Variants in HIBADH observed in about 807,000 individuals in gnomAD.
HIBADH encodes the protein 3-hydroxyisobutyrate dehydrogenase.
A neutral mutation model predicts 36.1 loss-of-function variants in HIBADH; 25 were observed. The observed-to-expected ratio is 0.69, with a 90% CI of 0.50 to 0.97. The LOEUF (loss-of-function observed/expected upper bound fraction) is 0.97, where lower values mean the gene tolerates loss of function less well. HIBADH is among the 50% of genes least tolerant of loss of function. The pLI is 0.00. For missense variants in HIBADH, 421 were observed against 418.0 expected, an observed-to-expected ratio of 1.01 and a Z score of -0.06; for synonymous variants, 160 against 149.5, an observed-to-expected ratio of 1.07 and a Z score of -0.51.
At chr7:27,622,077 G>T (rs1688858694) in intron 4 of HIBADH, among the ~76,000 whole-genome samples, 1 of 152,016 alleles carries the variant, frequency 6.6e-6, no homozygotes, top group South Asian at 2.1e-4. Context: ...AAAACAGTGA[G>T]AATCCATCTC....
chr7:27,556,713 T>C (rs1370570380), intron 4 of HIBADH, among the ~76,000 whole-genome samples: 1 of 152,186 alleles, frequency 6.6e-6, no homozygotes, highest in African/African-American at 2.4e-5. Flanking sequence ...TACCTATACA[T>C]ACAAAGGTCT....
intron 4 of HIBADH, among the ~76,000 whole-genome samples, chr7:27,591,685 G>A (rs937136254): frequency 4.6e-5 from 7 of 152,138 alleles, no homozygotes; most frequent in Non-Finnish European, 8.8e-5. Flanking sequence ...CACAATGTAA[G>A]GCATTTATAA....
rs144204207 is a variant in HIBADH at position 27,577,348 on chromosome 7, A to C, written c.485-34248T>G. Among the ~76,000 whole-genome samples, 4 of 152,074 alleles carry C rather than the reference A, an allele frequency of 2.6e-5. No homozygotes were observed. In the East Asian group the frequency reaches 7.8e-4, roughly 29 times the overall value. ...CTGACTTATTTTTTATTTTTAGTGG[A>C]GATGGGGTTTCTCCATGTTGGCCAT... On this transcript the variant is annotated intron_variant, in intron 4 of 7. Transcript: ENST00000265395.
chr7:27,578,635 A>C (rs1406790713), intron 4 of HIBADH, among the ~76,000 whole-genome samples: 1 of 152,180 alleles, frequency 6.6e-6, no homozygotes, highest in Non-Finnish European at 1.5e-5. Context: ...ACTTCTTAAC[A>C]TAAATTTCAA....
At chr7:27,527,811 C>T (rs930306042) in intron 7 of HIBADH, among the ~76,000 whole-genome samples, 2 of 141,760 alleles carry the variant, frequency 1.4e-5, no homozygotes, top group African/African-American at 2.7e-5. Flanking sequence ...AGTGTAGTGG[C>T]GCAATCTTGG....
chr7:27,560,557 C>T (rs1459952314), intron 4 of HIBADH, among the ~76,000 whole-genome samples: 1 of 152,116 alleles, frequency 6.6e-6, no homozygotes, highest in Non-Finnish European at 1.5e-5. Context: ...ATATTGTACC[C>T]AAAATAAATA....
intron 4 of HIBADH, among the ~76,000 whole-genome samples, chr7:27,590,263 AAAGTT>A (rs1436563772): frequency 6.6e-6 from 1 of 152,172 alleles, no homozygotes; most frequent in Non-Finnish European, 1.5e-5. Flanking sequence ...GAGACTCAGA[AAAGTT>A]AATTTGCCCA....
rs1554300959 is a variant in HIBADH at position 27,645,368 on chromosome 7, A to ATATTTTTTTTTTTT, written c.252+4104_252+4105insAAAAAAAAAAAATA. On this transcript the variant is annotated intron_variant, in intron 2 of 7. Coordinates refer to ENST00000265395, the MANE Select transcript of HIBADH (RefSeq NM_152740.4). ...CTAGTGGGTGTGTCTCATGGTTTTG[A>ATATTTTTTTTTTTT]TTTTTTTTTTTTTTTTTTTTTTTTT... 5.0e-5 allele frequency among the ~76,000 whole-genome samples: 3 copies of ATATTTTTTTTTTTT among 59,654 alleles called. 1 individual carries two copies. Among genetic ancestry groups the ATATTTTTTTTTTTT allele is most frequent in the Non-Finnish European group, 9.4e-5 (3 of 31,798 alleles). The allele number at this position is 59,654 out of a possible 152,430, so 39.1% of individuals were successfully genotyped here. A position where few individuals can be genotyped will look rare whatever the true frequency, so the allele number is the denominator to read the frequency against.
intron 4 of HIBADH, among the ~76,000 whole-genome samples, chr7:27,621,271 T>C (rs143296064): frequency 1.3e-5 from 2 of 152,074 alleles, no homozygotes; most frequent in Admixed American, 6.5e-5. Context: ...CCAATAATAG[T>C]TGGGGGCTTC....
chr7:27,556,875 G>C (rs1287034793), intron 4 of HIBADH, among the ~76,000 whole-genome samples: 2 of 152,148 alleles, frequency 1.3e-5, no homozygotes, highest in African/African-American at 4.8e-5. Flanking sequence ...TATAATATTT[G>C]GGAGGCCAAG....
intron 6 of HIBADH, among the ~76,000 whole-genome samples, chr7:27,535,912 T>G (rs1242300167): frequency 6.6e-6 from 1 of 152,128 alleles, no homozygotes; most frequent in Non-Finnish European, 1.5e-5. Context: ...TGACTTAGAA[T>G]AAAATTAATC....
chr7:27,550,597 T>G (rs1008886335), intron 4 of HIBADH, among the ~76,000 whole-genome samples: 5 of 152,184 alleles, frequency 3.3e-5, no homozygotes, highest in Non-Finnish European at 1.5e-5. Flanking sequence ...CCTGGCTAAC[T>G]CCTGCTTATT....
intron 4 of HIBADH, among the ~76,000 whole-genome samples, chr7:27,552,470 T>C (rs185505699): frequency 1.5e-3 from 226 of 152,320 alleles, no homozygotes; most frequent in African/African-American, 5.1e-3. Flanking sequence ...TTTTCATCAT[T>C]ATTTTTCAGA....
At chr7:27,570,963 C>G (rs1458206903) in intron 4 of HIBADH, among the ~76,000 whole-genome samples, 3 of 152,118 alleles carry the variant, frequency 2.0e-5, no homozygotes. Context: ...TCTTCCCATT[C>G]TATCTAGAAC....
chr7:27,563,256 G>A (rs1426353519), intron 4 of HIBADH, among the ~76,000 whole-genome samples: 1 of 152,170 alleles, frequency 6.6e-6, no homozygotes, highest in East Asian at 1.9e-4. Context: ...TTATATTGCT[G>A]AGTAATATTC....
At chr7:27,573,134 G>T (rs1018403910) in intron 4 of HIBADH, among the ~76,000 whole-genome samples, 1 of 152,172 alleles carries the variant, frequency 6.6e-6, no homozygotes, top group South Asian at 2.1e-4. Flanking sequence ...GCAGAAAATT[G>T]TAAGTAGCTG....
intron 1 of HIBADH, among the ~76,000 whole-genome samples, chr7:27,653,401 A>C (rs1786234264): frequency 6.6e-6 from 1 of 152,156 alleles, no homozygotes. Flanking sequence ...GGTAACTATG[A>C]ACTGTCAATG....
chr7:27,541,898 T>G (rs1034307890), intron 5 of HIBADH: 37 of 291,164 alleles, frequency 1.3e-4, no homozygotes, highest in African/African-American at 8.3e-4. Flanking sequence ...ACACTTGAGT[T>G]CACTGCAATA....
chr7:27,602,109 A>G (rs1025575734), intron 4 of HIBADH, among the ~76,000 whole-genome samples: 1 of 151,962 alleles, frequency 6.6e-6, no homozygotes, highest in Non-Finnish European at 1.5e-5. Context: ...TTGCTAAATC[A>G]GGCTAATTCT....
Sources: gnomAD v4.1 joint callset for allele counts (sites outside exome capture counted in the v4.1 genomes callset) on GRCh38, gnomAD v4.1.1 for gene constraint, MANE v1.5 for transcripts, NCBI Gene and HGNC (gene_info 2026-07-23, HGNC 2026-07-21) for gene names.